The following MRE11 variants were observed in gnomAD, a reference collection of about 807,000 sequenced individuals.
The protein encoded by MRE11 is MRE11 double strand break repair nuclease.
A neutral mutation model predicts 91.7 loss-of-function variants in MRE11; 62 were observed. The observed-to-expected ratio is 0.68, with a 90% CI of 0.55 to 0.84. MRE11 has a LOEUF of 0.84. Ranked by LOEUF, MRE11 falls within the 40% of genes least tolerant of loss-of-function variation. The pLI is 0.00. For synonymous variants in MRE11, 273 were observed against 271.4 expected, an observed-to-expected ratio of 1.01 and a Z score of -0.06; for missense variants, 796 against 852.9, an observed-to-expected ratio of 0.93 and a Z score of 0.83.
At chr11:94,476,511 T>C in intron 6 of MRE11, 108 bp from the exon 7 acceptor site, 1 of 725,386 alleles carries the variant, frequency 1.4e-6, no homozygotes, top group Non-Finnish European at 2.4e-6. Context: ...CACTTTACTG[T>C]TGGGAGATAT....
At chr11:94,480,125 A>G (rs1792940341) in intron 4 of MRE11, among the ~76,000 whole-genome samples, 1 of 152,148 alleles carries the variant, frequency 6.6e-6, no homozygotes, top group Non-Finnish European at 1.5e-5. Context: ...AGAATCCCAA[A>G]GAGGTAGATT....
upstream of MRE11, among the ~76,000 whole-genome samples, chr11:94,494,967 A>T (rs1947389851): frequency 6.6e-6 from 1 of 152,242 alleles, no homozygotes; most frequent in Non-Finnish European, 1.5e-5. Context: ...AAGCTCCAGG[A>T]GAATTAATAA....
chr11:94,449,952 T>C (rs1010847223), intron 14 of MRE11, among the ~76,000 whole-genome samples: 2 of 152,234 alleles, frequency 1.3e-5, no homozygotes, highest in Non-Finnish European at 2.9e-5. Flanking sequence ...ACTACATATT[T>C]ATTGCATTTT....
At chr11:94,438,844 T>C (rs2134851816) in intron 16 of MRE11, among the ~76,000 whole-genome samples, 1 of 152,302 alleles carries the variant, frequency 6.6e-6, no homozygotes, top group South Asian at 2.1e-4. Flanking sequence ...TGCAGAAAAC[T>C]GCTGAGAGGG....
the MRE11 span, among the ~76,000 whole-genome samples, chr11:94,508,680 CTTA>C: frequency 6.6e-6 from 1 of 151,252 alleles, no homozygotes; most frequent in Non-Finnish European, 1.5e-5. Context: ...TATCATAAGT[CTTA>C]TTATGTGGTA....
At position 94,484,036 on chromosome 11, in the gene MRE11, C is replaced by G. The variant is rs142516647; in HGVS notation, c.314+1888G>C. Among the ~76,000 whole-genome samples the G allele has an allele frequency of 2.3e-3, 343 of 152,084 alleles. 1 individual carries two copies. Among genetic ancestry groups the G allele is most frequent in the African/African-American group, 7.8e-3 (324 of 41,488 alleles). On this transcript the variant is annotated intron_variant, in intron 4 of 19. Transcript: ENST00000323929. ...CCATTCTCCAAAAGGAACCAGGGTTCCTTGAAGAAATGGCTGAGTCTGAAG... is the reference window on the plus strand; with the variant it reads ...CCATTCTCCAAAAGGAACCAGGGTTGCTTGAAGAAATGGCTGAGTCTGAAG...
At chr11:94,494,198 T>A (rs1024981837), upstream of MRE11, 6 of 152,166 alleles carry the variant, frequency 3.9e-5, no homozygotes, top group Non-Finnish European at 7.3e-5. Context: ...TCTCCGCTCT[T>A]GGCTGTTTGG....
chr11:94,437,214 T>C lies in MRE11; in HGVS notation c.1889A>G (p.Gln630Arg). The C allele has an allele frequency of 6.2e-7, 1 of 1,613,104 alleles. No individual in the cohort carries two copies. The highest frequency in any genetic ancestry group is 1.3e-5 in the African/African-American group (1 of 75,036). ...CTTAGTAGTGACATTTCGGGAAGGCTGCTGTCTTGTAGATTTAAAGGCTAG... is the reference window on the plus strand; with the variant it reads ...CTTAGTAGTGACATTTCGGGAAGGCCGCTGTCTTGTAGATTTAAAGGCTAG... ...IIDAFKSTRQ[Q>R]PSRNVTTKNY... Residue 630 changes from glutamine to arginine, a missense_variant, in exon 17 of 20, where the codon CAG becomes CGG. Coordinates refer to ENST00000323929, the MANE Select transcript of MRE11 (RefSeq NM_005591.4).
At chr11:94,458,162 G>C (rs557222584) in intron 13 of MRE11, among the ~76,000 whole-genome samples, 22 of 150,800 alleles carry the variant, frequency 1.5e-4, no homozygotes, top group African/African-American at 5.3e-4. Flanking sequence ...TTAACCAAAA[G>C]CACTAAAATA....
chr11:94,458,973 A>G (rs1213006892), intron 13 of MRE11, among the ~76,000 whole-genome samples: 1 of 152,168 alleles, frequency 6.6e-6, no homozygotes, highest in Non-Finnish European at 1.5e-5. Flanking sequence ...TTTTTTGACA[A>G]TGTGATATGC....
chr11:94,507,990 G>T, the MRE11 span, among the ~76,000 whole-genome samples: 1 of 152,100 alleles, frequency 6.6e-6, no homozygotes, highest in Non-Finnish European at 1.5e-5. Flanking sequence ...ACTTTATAGA[G>T]ACAGGGTCTT....
chr11:94,425,314 C>G (rs1272918049), intron 19 of MRE11, among the ~76,000 whole-genome samples: 1 of 152,070 alleles, frequency 6.6e-6, no homozygotes, highest in African/African-American at 2.4e-5. Flanking sequence ...GAATTCATTA[C>G]AACTAGATCA....
intron 7 of MRE11, 74 bp downstream of exon 7, chr11:94,476,214 TA>T: frequency 1.1e-6 from 1 of 923,160 alleles, no homozygotes; most frequent in Non-Finnish European, 1.8e-6. Flanking sequence ...GGCATTTCAC[TA>T]AAATAGGTAA....
intron 16 of MRE11, among the ~76,000 whole-genome samples, chr11:94,439,288 A>C (rs940173814): frequency 6.6e-6 from 1 of 152,220 alleles, no homozygotes; most frequent in Non-Finnish European, 1.5e-5. Flanking sequence ...ACTTAAAAAA[A>C]AACCCACCAA....
intron 3 of MRE11, 41 bp downstream of exon 3, chr11:94,490,792 G>C (rs1237135994): frequency 1.2e-6 from 2 of 1,608,576 alleles, no homozygotes; most frequent in Non-Finnish European, 1.7e-6. Context: ...TGTTAACCAA[G>C]GGAATATGGT....
rs1945091533 is a variant in MRE11, at chr11:94,418,896, T to C, written c.*1229A>G. The C allele has an allele frequency of 4.3e-6, 1 of 231,038 alleles. No homozygotes were observed. The highest frequency in any genetic ancestry group is 8.6e-6 in the Non-Finnish European group (1 of 116,674). 14.3% of individuals were successfully genotyped at this position (231,038 alleles called of 1,614,324 possible). ...CAGCCACTAACCAAGTGTCTGTCTC[T>C]TATAATTTGACACATTCCAGGTATG... On this transcript the variant is annotated 3_prime_UTR_variant, in exon 20 of 20. Coordinates refer to ENST00000323929, the MANE Select transcript of MRE11 (RefSeq NM_005591.4).
intron 4 of MRE11, among the ~76,000 whole-genome samples, chr11:94,480,655 C>A (rs528455535): frequency 6.6e-6 from 1 of 152,180 alleles, no homozygotes; most frequent in Admixed American, 6.5e-5. Flanking sequence ...ATAGGTGCTG[C>A]CAATTTCCCA....
intron 10 of MRE11, among the ~76,000 whole-genome samples, chr11:94,464,854 A>G (rs1946519119): frequency 2.0e-5 from 3 of 152,124 alleles, no homozygotes; most frequent in South Asian, 2.1e-4. Flanking sequence ...TTTCTCAGAG[A>G]TATGTTCTTC....
At chr11:94,454,072 GAT>G (rs1491460701) in intron 14 of MRE11, among the ~76,000 whole-genome samples, 3 of 146,544 alleles carry the variant, frequency 2.0e-5, no homozygotes, top group African/African-American at 7.8e-5. Flanking sequence ...GTGAACAAAA[GAT>G]TTTTTTTTTT....
Sources: allele counts gnomAD v4.1 joint callset (sites outside exome capture counted in the v4.1 genomes callset), GRCh38; gene constraint gnomAD v4.1.1; transcripts MANE v1.5; gene names NCBI Gene and HGNC (gene_info 2026-07-23, HGNC 2026-07-21).